Variants in CCNB1 observed in about 807,000 individuals in gnomAD.
CCNB1 encodes the protein cyclin B1.
CCNB1 carries 26 observed loss-of-function variants against 44.4 expected under a neutral mutation model. The observed-to-expected ratio is 0.59, with a 90% CI of 0.43 to 0.81. The LOEUF (loss-of-function observed/expected upper bound fraction) is 0.81. Among genes scored for constraint, CCNB1 ranks in the 40% least tolerant of loss-of-function variants. CCNB1 has a pLI of 0.00. For synonymous variants in CCNB1, 195 were observed against 181.4 expected (o/e 1.08, Z -0.60); for missense variants, 477 against 520.9 (o/e 0.92, Z 0.82).
At position 69,177,531 on chromosome 5, in the gene CCNB1, A is replaced by C. The variant is rs778844045; in HGVS notation, c.1202A>C (p.Lys401Thr). Residue 401 changes from lysine (K) to threonine (T), a missense_variant, in exon 9 of 9, where the codon AAG becomes ACG. Coordinates refer to ENST00000256442, the MANE Select transcript of CCNB1 (RefSeq NM_031966.4). ...TATCTTTTTGTCTTCCAGACTGTCAAGAACAAGTATGCCACATCGAAGCAT... is the reference window on the plus strand; with the variant it reads ...TATCTTTTTGTCTTCCAGACTGTCACGAACAAGTATGCCACATCGAAGCAT... The part of the protein sequence containing the change: ...NQGLTKHMTV[K>T]NKYATSKHAK... 1 of 1,609,274 alleles carries C rather than the reference A, an allele frequency of 6.2e-7. No homozygotes were observed. The highest frequency in any genetic ancestry group is 8.5e-7 in the Non-Finnish European group (1 of 1,176,286).
chr5:69,176,763 G>A (rs1303193863), intron 7 of CCNB1, among the ~76,000 whole-genome samples: 4 of 151,590 alleles, frequency 2.6e-5, no homozygotes, highest in Non-Finnish European at 2.9e-5. Context: ...GGCAGATCAC[G>A]AGCTCAAAAG....
intron 7 of CCNB1, among the ~76,000 whole-genome samples, chr5:69,176,449 T>C (rs935368217): frequency 2.3e-4 from 35 of 151,660 alleles, no homozygotes; most frequent in East Asian, 1.4e-3. Flanking sequence ...CTCCGCCTCC[T>C]GGGTTCATGC....
rs556711055 is a variant in CCNB1, at chr5:69,167,168, G to T, written c.-95G>T. On this transcript the variant is annotated 5_prime_UTR_variant, in exon 1 of 9. Coordinates refer to ENST00000256442, the MANE Select transcript of CCNB1 (RefSeq NM_031966.4). Reference sequence around the variant, plus strand: ...TCTTCTCGGCGTGCTGCGGCGGAACGGCTGTTGGTTTCTGCTGGGTGTAGG... The same window carrying T: ...TCTTCTCGGCGTGCTGCGGCGGAACTGCTGTTGGTTTCTGCTGGGTGTAGG... 3 of 1,035,836 alleles carry T rather than the reference G, an allele frequency of 2.9e-6. No homozygotes were observed. The South Asian group carries it at 4.9e-5, about 17-fold the overall frequency. 64.2% of individuals were successfully genotyped at this position (1,035,836 alleles called of 1,614,324 possible).
chr5:69,171,050 G>C (rs1747447938), intron 3 of CCNB1, among the ~76,000 whole-genome samples: 1 of 152,104 alleles, frequency 6.6e-6, no homozygotes, highest in African/African-American at 2.4e-5. Context: ...GAGATTAAAG[G>C]TGTGAGCCAC....
In CCNB1 at chr5:69,171,293, A is replaced by T. The variant is rs765917246; in HGVS notation, c.387A>T (p.Pro129=). 6.2e-7 allele frequency: 1 copy of T among 1,610,914 alleles called. No individual in the cohort carries two copies. Residue 129 remains proline, a synonymous_variant, in exon 4 of 9, where the codon CCA becomes CCT. Transcript: ENST00000256442. ...PILVDTASPS[P]METSGCAPAE... ...AGGTTGATACTGCCTCTCCAAGCCC[A>T]ATGGAAACATCTGGATGTGCCCCTG...
At position 69,168,064 on chromosome 5, in the gene CCNB1, A is replaced by G. The variant is rs1331632239; in HGVS notation, c.178A>G (p.Met60Val). The change falls in exon 2 of 9, where the codon ATG (methionine) becomes GTG (valine). Residue 60 changes from methionine to valine, a missense_variant. Transcript: ENST00000256442. ...AGTCAGTGAACAACTGCAGGCCAAA[A>G]TGCCTATGAAGAAGGTAACTCTCTT... Reference protein sequence around the residue: ...NKVSEQLQAKMPMKKEAKPSA... With the variant: ...NKVSEQLQAKVPMKKEAKPSA... 1.2e-6 allele frequency: 2 copies of G among 1,613,692 alleles called. No individual in the cohort carries two copies. Among genetic ancestry groups the G allele is most frequent in the South Asian group, 1.1e-5 (1 of 90,976 alleles).
chr5:69,171,505 AT>A, intron 4 of CCNB1, 53 bp downstream of exon 4: 1 of 1,291,462 alleles, frequency 7.7e-7, no homozygotes, highest in Non-Finnish European at 1.1e-6. Context: ...TTATGAAAGT[AT>A]TTTCCATCAA....
At chr5:69,174,000 T>A (rs919344339) in intron 4 of CCNB1, among the ~76,000 whole-genome samples, 1 of 152,070 alleles carries the variant, frequency 6.6e-6, no homozygotes, top group African/African-American at 2.4e-5. Context: ...AACTCCTGGC[T>A]GCAAGCAATC....
At chr5:69,175,968 CAA>C (rs1181319822) in intron 7 of CCNB1, among the ~76,000 whole-genome samples, 14 of 118,382 alleles carry the variant, frequency 1.2e-4, no homozygotes, top group African/African-American at 4.8e-4. Flanking sequence ...CTCATCTTTA[CAA>C]AAAATATATA....
At chr5:69,176,613 G>A (rs182704889) in intron 7 of CCNB1, among the ~76,000 whole-genome samples, 53 of 149,786 alleles carry the variant, frequency 3.5e-4, no homozygotes, top group African/African-American at 9.8e-4. Flanking sequence ...CTCGTGATCC[G>A]CCCACCTTGG....
chr5:69,171,346 C>CTGATGTAATTCTTGCAGTAAA lies in CCNB1; in HGVS notation c.447_467dup (p.Ile150_Val156dup). 1 of 1,614,102 alleles carries CTGATGTAATTCTTGCAGTAAA rather than the reference C, an allele frequency of 6.2e-7. No homozygotes were observed. The highest frequency in any genetic ancestry group is 1.7e-5 in the Admixed American group (1 of 60,010). The stretch of plus-strand genomic sequence containing the variant: ...GAAGAAGACCTGTGTCAGGCTTTCT[C>CTGATGTAATTCTTGCAGTAAA]TGATGTAATTCTTGCAGTAAATGAT... On this transcript the variant is annotated inframe_insertion, in exon 4 of 9. Coordinates refer to ENST00000256442, the MANE Select transcript of CCNB1 (RefSeq NM_031966.4).
rs574551461 is a variant in CCNB1, at chr5:69,170,687, G to A, written c.364-583G>A. Among the ~76,000 whole-genome samples, 19 of 151,194 alleles carry A rather than the reference G, an allele frequency of 1.3e-4. 1 individual carries two copies. In the South Asian group the frequency reaches 3.1e-3, roughly 25 times the overall value. On this transcript the variant is annotated intron_variant, in intron 3 of 8. Coordinates refer to ENST00000256442, the MANE Select transcript of CCNB1 (RefSeq NM_031966.4). The stretch of plus-strand genomic sequence containing the variant: ...TTTGCCCAGGCTGGAGTAGAATGGC[G>A]CAATCATAGCTCACTGTATCCTCAA...
Position 69,175,428 on chromosome 5 carries a change from A to G in CCNB1, c.974A>G (p.Tyr325Cys). Residue 325 changes from tyrosine (Y) to cysteine (C), a missense_variant, in exon 7 of 9, where the codon TAC (tyrosine) becomes TGC (cysteine). Transcript: ENST00000256442. Reference sequence around the variant, plus strand: ...GTCGAGCAACATACTTTGGCCAAATACCTGATGGAACTAACTATGTTGGAC... The same window carrying G: ...GTCGAGCAACATACTTTGGCCAAATGCCTGATGGAACTAACTATGTTGGAC... ...VDVEQHTLAK[Y>C]LMELTMLDYD... The G allele has an allele frequency of 6.2e-7, 1 of 1,613,760 alleles. No homozygotes were observed. Among genetic ancestry groups the G allele is most frequent in the Non-Finnish European group, 8.5e-7 (1 of 1,179,872 alleles).
chr5:69,167,617 GAGA>G (rs1747364309), intron 1 of CCNB1: 3 of 505,402 alleles, frequency 5.9e-6, no homozygotes, highest in Non-Finnish European at 1.0e-5. Context: ...CCTTCCCAGA[GAGA>G]AGGTGTCTGC....
At chr5:69,171,972 A>G (rs1747468762) in intron 4 of CCNB1, among the ~76,000 whole-genome samples, 1 of 152,066 alleles carries the variant, frequency 6.6e-6, no homozygotes, top group African/African-American at 2.4e-5. Flanking sequence ...GAAACTTTCT[A>G]TTAATGGCAT....
At chr5:69,175,208 C>G (rs939054250) in intron 6 of CCNB1, 95 bp downstream of exon 6, 37 of 1,053,506 alleles carry the variant, frequency 3.5e-5, no homozygotes, top group Middle Eastern at 4.4e-4. Flanking sequence ...TGTATTATAC[C>G]TAACTACATG....
Position 69,169,528 on chromosome 5 carries a change from A to G in CCNB1, c.363+1185A>G, listed in dbSNP as rs187814994. ...TCTTACCTTTGCTTTCCCACTTAGT[A>G]AGAATGCCTTCCCCACCCTGTCTTT... On this transcript the variant is annotated intron_variant, in intron 3 of 8. Transcript: ENST00000256442. Among the ~76,000 whole-genome samples, 19 of 152,318 alleles carry G rather than the reference A, an allele frequency of 1.2e-4. No individual in the cohort carries two copies. The East Asian group carries it at 3.7e-3, about 29-fold the overall frequency.
intron 1 of CCNB1, 61 bp downstream of exon 1, chr5:69,167,344 C>G (rs373526661): frequency 1.3e-6 from 2 of 1,584,548 alleles, no homozygotes; most frequent in Non-Finnish European, 8.6e-7. Context: ...CTCTCCCTGC[C>G]TCGCCTGCGG....
chr5:69,175,103 A>G lies in CCNB1; in HGVS notation c.932A>G (p.Lys311Arg). ...TTGCACTTCCTTCGGAGAGCATCTA[A>G]GATTGGAGAGGTACAGGTTTCTTGA... ...LPLHFLRRAS[K>R]IGEVDVEQHT... The change falls in exon 6 of 9, where the codon AAG becomes AGG. Residue 311 changes from lysine (K) to arginine (R), a missense_variant. Physicochemically the swap from Lys to Arg is conservative, Grantham distance 26. Coordinates refer to ENST00000256442, the MANE Select transcript of CCNB1 (RefSeq NM_031966.4). 1.9e-6 allele frequency: 3 copies of G among 1,611,254 alleles called. No individual in the cohort carries two copies. The highest frequency in any genetic ancestry group is 2.5e-6 in the Non-Finnish European group (3 of 1,177,734).
Sources: gnomAD v4.1 joint callset for allele counts (sites outside exome capture counted in the v4.1 genomes callset) on GRCh38, gnomAD v4.1.1 for gene constraint, MANE v1.5 for transcripts, NCBI Gene and HGNC (gene_info 2026-07-23, HGNC 2026-07-21) for gene names.